The following SNRPB2 variants were observed in gnomAD, a reference collection of about 807,000 sequenced individuals.
SNRPB2 encodes the protein small nuclear ribonucleoprotein polypeptide B2.
In SNRPB2, 16 loss-of-function variants were observed where a neutral mutation model predicts 26.3. The observed-to-expected ratio is 0.61, with a 90% CI of 0.41 to 0.92. The LOEUF (loss-of-function observed/expected upper bound fraction) is 0.92, where lower values mean the gene tolerates loss of function less well. SNRPB2 is among the 40% of genes least tolerant of loss of function. The pLI is 0.00. For synonymous variants in SNRPB2, 75 were observed against 89.0 expected (o/e 0.84, Z 0.88); for missense variants, 179 against 268.1 (o/e 0.67, Z 2.32).
chr20:16,737,499 T>A (rs1372889651), intron 4 of SNRPB2, 98 bp downstream of exon 4: 7 of 1,020,744 alleles, frequency 6.9e-6, no homozygotes, highest in African/African-American at 1.6e-5. Context: ...TGTCTGTATA[T>A]GTGCATAAAT....
At chr20:16,739,081 T>G (rs745918034) in intron 5 of SNRPB2, among the ~76,000 whole-genome samples, 179 bp downstream of exon 5, 21 of 152,246 alleles carry the variant, frequency 1.4e-4, no homozygotes, top group Non-Finnish European at 2.9e-4. Flanking sequence ...TTAATTCTTT[T>G]TTAGAGAGAG....
chr20:16,738,063 A>AAC, intron 4 of SNRPB2, among the ~76,000 whole-genome samples: 1 of 150,634 alleles, frequency 6.6e-6, no homozygotes, highest in Non-Finnish European at 1.5e-5. Flanking sequence ...AAAAAAAAAA[A>AAC]CCCAAAAAAC....
chr20:16,734,241 A>G lies in SNRPB2; in HGVS notation c.237+1905A>G, dbSNP rs114535766. On this transcript the variant is annotated intron_variant, in intron 3 of 6. Transcript: ENST00000246071. ...TATATTGAAGCATTTTGGGAGGTCT[A>G]TTCTTTTCCTACAGAAAGGTAACAG... is the stretch of plus-strand genomic sequence containing the variant. 9.8e-3 allele frequency among the ~76,000 whole-genome samples: 1,485 copies of G among 152,278 alleles called. 43 individuals are homozygous for G. The highest frequency in any genetic ancestry group is 0.033 in the African/African-American group (1,389 of 41,538).
chr20:16,740,127 T>C (rs1221863072), intron 5 of SNRPB2, among the ~76,000 whole-genome samples, 198 bp from the exon 6 acceptor site: 1 of 152,170 alleles, frequency 6.6e-6, no homozygotes, highest in African/African-American at 2.4e-5. Context: ...TGTTAAACAC[T>C]TAAGAGATTT....
chr20:16,735,869 C>G (rs1450609554), intron 3 of SNRPB2, among the ~76,000 whole-genome samples: 1 of 152,220 alleles, frequency 6.6e-6, no homozygotes, highest in Non-Finnish European at 1.5e-5. Flanking sequence ...AAAGGAAAGT[C>G]ATTCCCAGTC....
At chr20:16,737,521 AGGTGG>A in intron 4 of SNRPB2, 120 bp downstream of exon 4, 1 of 898,102 alleles carries the variant, frequency 1.1e-6, no homozygotes, top group Non-Finnish European at 1.6e-6. Flanking sequence ...TGTGTTTAAA[AGGTGG>A]TTTTAAGAAG....
At chr20:16,736,022 G>A (rs2072424113) in intron 3 of SNRPB2, among the ~76,000 whole-genome samples, 1 of 152,160 alleles carries the variant, frequency 6.6e-6, no homozygotes, top group Non-Finnish European at 1.5e-5. Context: ...TTTGTTCTGT[G>A]TGTGTCTGTT....
chr20:16,732,443 T>C, intron 3 of SNRPB2, 107 bp downstream of exon 3: 1 of 654,216 alleles, frequency 1.5e-6, no homozygotes, highest in South Asian at 2.2e-5. Context: ...CTGCTTTTAA[T>C]TATGTGTGTT....
At chr20:16,737,161 T>A (rs2072431503) in intron 3 of SNRPB2, 100 bp from the exon 4 acceptor site, 2 of 886,544 alleles carry the variant, frequency 2.3e-6, no homozygotes, top group South Asian at 4.9e-5. Context: ...TGTTTAAAAT[T>A]AGCTTGTAGT....
In SNRPB2 at chr20:16,740,867, A is replaced by G. The variant is rs1227213657; in HGVS notation, c.540A>G (p.Val180=). 1 of 1,611,842 alleles carries G rather than the reference A, an allele frequency of 6.2e-7. No individual in the cohort carries two copies. Among genetic ancestry groups the G allele is most frequent in the Middle Eastern group, 1.7e-4 (1 of 5,956 alleles). The part of the protein sequence containing the change: ...LFNQFPGFKE[V]RLVPGRHDIA... The stretch of plus-strand genomic sequence containing the variant: ...ATAGGTTCCCTGGCTTCAAGGAAGT[A>G]CGTCTGGTACCAGGGAGGCATGACA... The change falls in exon 7 of 7, where the codon GTA becomes GTG. Residue 180 remains valine (V), a synonymous_variant. Transcript: ENST00000246071.
intron 3 of SNRPB2, among the ~76,000 whole-genome samples, chr20:16,734,140 CTG>C (rs1234935801): frequency 6.6e-6 from 1 of 152,168 alleles, no homozygotes; most frequent in East Asian, 1.9e-4. Flanking sequence ...AAATTGTTTG[CTG>C]TGTTGGGCAC....
Position 16,741,362 on chromosome 20 carries a change from A to G in SNRPB2, c.*357A>G, listed in dbSNP as rs2072461463. On this transcript the variant is annotated 3_prime_UTR_variant, in exon 7 of 7. Coordinates refer to ENST00000246071, the MANE Select transcript of SNRPB2 (RefSeq NM_003092.5). ...GCTAATTATACAACATCATTGAACC[A>G]TTCAATAAAAGTTAAGTAAAATTAG... The G allele has an allele frequency of 6.3e-6, 1 of 158,946 alleles. No individual in the cohort carries two copies. The highest frequency in any genetic ancestry group is 1.8e-4 in the East Asian group (1 of 5,568). The allele number at this position is 158,946 out of a possible 1,614,324, so 9.8% of individuals were successfully genotyped here.
chr20:16,733,581 C>G (rs576739408), intron 3 of SNRPB2, among the ~76,000 whole-genome samples: 1 of 152,128 alleles, frequency 6.6e-6, no homozygotes, highest in Admixed American at 6.6e-5. Context: ...GCAAACTTTC[C>G]GTAAAGGACC....
rs756678488 is a variant in SNRPB2, at chr20:16,731,709, A to G, written c.7A>G (p.Ile3Val). The G allele has an allele frequency of 1.4e-5, 23 of 1,611,976 alleles. No individual in the cohort carries two copies. Among genetic ancestry groups the G allele is most frequent in the Non-Finnish European group, 1.8e-5 (21 of 1,178,928 alleles). ...TGAAGAATTTAACACAAACATGGAT[A>G]TCAGACCAAATCATACAATTTATAT... MD[I>V]RPNHTIYINN... Residue 3 changes from isoleucine (I) to valine (V), a missense_variant, in exon 2 of 7, where the codon ATC (isoleucine) becomes GTC (valine). By Grantham distance (29) the Ile-to-Val change is conservative. Transcript: ENST00000246071.
At position 16,741,736 on chromosome 20, in the gene SNRPB2, T is replaced by C. The variant is rs1223391518; in HGVS notation, c.*731T>C. 6.6e-6 allele frequency: 1 copy of C among 152,210 alleles called. No individual in the cohort carries two copies. The highest frequency in any genetic ancestry group is 1.5e-5 in the Non-Finnish European group (1 of 68,038). The allele number at this position is 152,210 out of a possible 1,614,324, so 9.4% of individuals were successfully genotyped here. A position where few individuals can be genotyped will look rare whatever the true frequency, so the allele number is the denominator to read the frequency against. On this transcript the variant is annotated 3_prime_UTR_variant, in exon 7 of 7. Transcript: ENST00000246071. ...TTGATCTATAGTCTCTTTTCCCCCTTAAGACAAATAGACTGATTAATAAAG... is the reference window on the plus strand; with the variant it reads ...TTGATCTATAGTCTCTTTTCCCCCTCAAGACAAATAGACTGATTAATAAAG...
chr20:16,740,732 T>C (rs570252473), intron 6 of SNRPB2, 114 bp from the exon 7 acceptor site: 18 of 798,446 alleles, frequency 2.3e-5, no homozygotes, highest in Middle Eastern at 3.8e-4. Context: ...GTATTCTTGG[T>C]TAGAGTATGG....
chr20:16,731,903 A>C, intron 2 of SNRPB2, 137 bp downstream of exon 2: 1 of 1,411,298 alleles, frequency 7.1e-7, no homozygotes, highest in Non-Finnish European at 9.5e-7. Flanking sequence ...TCCTATAGGG[A>C]TTTGAAGGCT....
At chr20:16,733,890 C>T (rs1283210597) in intron 3 of SNRPB2, among the ~76,000 whole-genome samples, 2 of 152,140 alleles carry the variant, frequency 1.3e-5, no homozygotes. Context: ...TGGGATGGTA[C>T]CTATGTAATG....
At position 16,731,735 on chromosome 20, in the gene SNRPB2, C is replaced by A; in HGVS notation, c.33C>A (p.Ile11=). MDIRPNHTIY[I]NNMNDKIKKE... ...TCAGACCAAATCATACAATTTATAT[C>A]AACAATATGAATGACAAAATTAAAA... The change falls in exon 2 of 7, where the codon ATC becomes ATA. Residue 11 remains isoleucine (I), a synonymous_variant. Coordinates refer to ENST00000246071, the MANE Select transcript of SNRPB2 (RefSeq NM_003092.5). 6.2e-7 allele frequency: 1 copy of A among 1,612,134 alleles called. No homozygotes were observed.
Sources: gnomAD v4.1 joint callset for allele counts (sites outside exome capture counted in the v4.1 genomes callset) on GRCh38, gnomAD v4.1.1 for gene constraint, MANE v1.5 for transcripts, NCBI Gene and HGNC (gene_info 2026-07-23, HGNC 2026-07-21) for gene names.